The following CRKL variants were observed in gnomAD, a reference collection of about 807,000 sequenced individuals.
CRKL encodes CRK like proto-oncogene, adaptor protein.
In CRKL, 3 loss-of-function variants were observed where a neutral mutation model predicts 23.0. That is an observed-to-expected ratio of 0.13 (90% CI 0.06 to 0.34). CRKL has a LOEUF of 0.34. CRKL is among the 10% of genes least tolerant of loss of function. The probability of loss-of-function intolerance (pLI) is 1.00; values close to 1 mark genes in which losing one functional copy is unlikely to be tolerated. For synonymous variants in CRKL, 188 were observed against 160.7 expected (o/e 1.17, Z -1.28); for missense variants, 256 against 394.5 (o/e 0.65, Z 2.97).
intron 2 of CRKL, among the ~76,000 whole-genome samples, chr22:20,935,121 G>T (rs1280660299): frequency 6.6e-6 from 1 of 151,346 alleles, no homozygotes; most frequent in Non-Finnish European, 1.5e-5. Context: ...GCCCAGGAAT[G>T]ATTTTTTTTG....
At chr22:20,927,192 A>ATTTTTTTTTTTTT (rs532930393) in intron 1 of CRKL, among the ~76,000 whole-genome samples, 1,270 of 81,938 alleles carry the variant, frequency 0.015, 116 homozygotes, top group Middle Eastern at 0.022. Context: ...TTGGAATTGA[A>ATTTTTTTTTTTTT]TTTTTTTTTT....
Position 20,917,988 on chromosome 22 carries a change from G to A in CRKL, c.54G>A (p.Pro18=), listed in dbSNP as rs1929752688. 13 of 1,614,124 alleles carry A rather than the reference G, an allele frequency of 8.1e-6. No individual in the cohort carries two copies. The highest frequency in any genetic ancestry group is 1.1e-5 in the Non-Finnish European group (13 of 1,180,038). The change falls in exon 1 of 3, where the codon CCG becomes CCA. Residue 18 remains proline, a synonymous_variant. Transcript: ENST00000354336. ...ACCGCTCCGCCTGGTATATGGGGCC[G>A]GTGTCTCGCCAGGAGGCGCAGACCC... ...SSDRSAWYMG[P]VSRQEAQTRL... is the part of the protein sequence containing the mutation.
Position 20,918,043 on chromosome 22 carries a change from C to G in CRKL, c.109C>G (p.Leu37Val). ...CCAGGGCCAGCGCCACGGTATGTTC[C>G]TCGTCCGCGATTCTTCCACCTGCCC... ...RLQGQRHGMF[L>V]VRDSSTCPGD... Residue 37 changes from leucine to valine, a missense_variant, in exon 1 of 3, where the codon CTC (leucine) becomes GTC (valine). This residue lies in a region of CRKL where 85 missense variants were observed against 139.8 expected (regional missense o/e 0.61). Transcript: ENST00000354336. 1 of 1,614,258 alleles carries G rather than the reference C, an allele frequency of 6.2e-7. No individual in the cohort carries two copies. The highest frequency in any genetic ancestry group is 8.5e-7 in the Non-Finnish European group (1 of 1,180,048).
intron 2 of CRKL, among the ~76,000 whole-genome samples, chr22:20,935,038 T>C (rs1221432590): frequency 1.3e-5 from 2 of 152,018 alleles, no homozygotes; most frequent in African/African-American, 4.8e-5. Context: ...ATGGTGTCGA[T>C]CTCCTGACCT....
chr22:20,950,153 T>C lies in CRKL; in HGVS notation c.*308T>C, dbSNP rs1922213946. 1 of 357,138 alleles carries C rather than the reference T, an allele frequency of 2.8e-6. No homozygotes were observed. The highest frequency in any genetic ancestry group is 5.0e-6 in the Non-Finnish European group (1 of 198,342). The allele number at this position is 357,138 out of a possible 1,614,324, so 22.1% of individuals were successfully genotyped here. A position where few individuals can be genotyped will look rare whatever the true frequency, so the allele number is the denominator to read the frequency against. On this transcript the variant is annotated 3_prime_UTR_variant, in exon 3 of 3. Transcript: ENST00000354336. ...GGTCTTCCTTCTCATTGCTGCCCGT[T>C]TGTACATGGGACTGATTCTGTTGTG...
Position 20,917,761 on chromosome 22 carries a change from G to C in CRKL, c.-174G>C. 1.5e-6 allele frequency: 1 copy of C among 647,044 alleles called. No individual in the cohort carries two copies. The highest frequency in any genetic ancestry group is 2.0e-5 in the South Asian group (1 of 49,558). 40.1% of individuals were successfully genotyped at this position (647,044 alleles called of 1,614,324 possible). A position where few individuals can be genotyped will look rare whatever the true frequency, so the allele number is the denominator to read the frequency against. On this transcript the variant is annotated 5_prime_UTR_variant, in exon 1 of 3. Coordinates refer to ENST00000354336, the MANE Select transcript of CRKL (RefSeq NM_005207.4). ...GCCCCGGAGCAGGCGGGCGGCGTCGGAGGATGCTGCGGGCCCGGAGCCGAG... is the reference window on the plus strand; with the variant it reads ...GCCCCGGAGCAGGCGGGCGGCGTCGCAGGATGCTGCGGGCCCGGAGCCGAG...
intron 1 of CRKL, among the ~76,000 whole-genome samples, chr22:20,920,539 C>T (rs1920980803): frequency 6.6e-6 from 1 of 151,982 alleles, no homozygotes; most frequent in South Asian, 2.1e-4. Context: ...GAGTCTCCTT[C>T]TAGAGGAAGG....
In CRKL at chr22:20,917,837, C is replaced by T. The variant is rs1929746158; in HGVS notation, c.-98C>T. Reference sequence around the variant, plus strand: ...AGCGCTCCTCGAGGTGTGCGAGAGGCCCTTCCTCGGCCCCAAAGCCGTCTG... The same window carrying T: ...AGCGCTCCTCGAGGTGTGCGAGAGGTCCTTCCTCGGCCCCAAAGCCGTCTG... On this transcript the variant is annotated 5_prime_UTR_variant, in exon 1 of 3. Coordinates refer to ENST00000354336, the MANE Select transcript of CRKL (RefSeq NM_005207.4). The T allele has an allele frequency of 1.7e-6, 2 of 1,202,360 alleles. No individual in the cohort carries two copies. The highest frequency in any genetic ancestry group is 1.5e-5 in the African/African-American group (1 of 65,232). The allele number at this position is 1,202,360 out of a possible 1,614,324, so 74.5% of individuals were successfully genotyped here. A position where few individuals can be genotyped will look rare whatever the true frequency, so the allele number is the denominator to read the frequency against.
rs1922310552 is a variant in CRKL, at chr22:20,952,366, T to A, written c.*2521T>A. The A allele has an allele frequency of 4.4e-6, 1 of 229,594 alleles. No individual in the cohort carries two copies. Among genetic ancestry groups the A allele is most frequent in the Admixed American group, 5.7e-5 (1 of 17,610 alleles). The allele number at this position is 229,594 out of a possible 1,614,324, so 14.2% of individuals were successfully genotyped here. On this transcript the variant is annotated 3_prime_UTR_variant, in exon 3 of 3. Transcript: ENST00000354336. The stretch of plus-strand genomic sequence containing the variant: ...TGGTTTGGTTTTATAATTAATCAGC[T>A]CGTTACTTCAGCCCATGAAAATGGC...
chr22:20,936,019 C>T (rs928675729), intron 2 of CRKL, among the ~76,000 whole-genome samples: 46 of 151,992 alleles, frequency 3.0e-4, no homozygotes, highest in African/African-American at 9.9e-4. Context: ...ATGAGCCAGA[C>T]GTGGTGGGCA....
At chr22:20,938,600 A>G (rs1921748293) in intron 2 of CRKL, among the ~76,000 whole-genome samples, 1 of 152,226 alleles carries the variant, frequency 6.6e-6, no homozygotes, top group African/African-American at 2.4e-5. Flanking sequence ...CCAGTTTCTC[A>G]CAACTGACAA....
At chr22:20,923,440 G>C (rs1921064100) in intron 1 of CRKL, among the ~76,000 whole-genome samples, 1 of 151,708 alleles carries the variant, frequency 6.6e-6, no homozygotes, top group South Asian at 2.1e-4. Flanking sequence ...ACCATGCCCG[G>C]GTAACTTTTT....
At chr22:20,939,845 A>G (rs531769960) in intron 2 of CRKL, among the ~76,000 whole-genome samples, 1 of 147,942 alleles carries the variant, frequency 6.8e-6, no homozygotes, top group East Asian at 2.0e-4. Flanking sequence ...CTGGAGTGCA[A>G]TGGCGTGATC....
intron 1 of CRKL, among the ~76,000 whole-genome samples, chr22:20,928,124 T>C (rs1198430302): frequency 1.3e-5 from 2 of 151,982 alleles, no homozygotes; most frequent in African/African-American, 4.8e-5. Flanking sequence ...ACCACTACAC[T>C]CCAGCCTGGG....
At chr22:20,937,570 A>G (rs1030068815) in intron 2 of CRKL, among the ~76,000 whole-genome samples, 2 of 151,062 alleles carry the variant, frequency 1.3e-5, no homozygotes, top group Admixed American at 6.7e-5. Context: ...GAGTGGGTGG[A>G]TAAGTAGGTG....
intron 1 of CRKL, among the ~76,000 whole-genome samples, chr22:20,928,457 A>C (rs1339845970): frequency 6.6e-6 from 1 of 151,952 alleles, no homozygotes; most frequent in African/African-American, 2.4e-5. Context: ...ACGCTATCTC[A>C]AAAAAATTTA....
chr22:20,941,696 G>A (rs534802880), intron 2 of CRKL, among the ~76,000 whole-genome samples: 1 of 145,758 alleles, frequency 6.9e-6, no homozygotes, highest in East Asian at 2.1e-4. Flanking sequence ...CCGGGTTCAA[G>A]CAGTTCTCTG....
At chr22:20,920,455 T>C (rs1004425217) in intron 1 of CRKL, among the ~76,000 whole-genome samples, 1 of 150,992 alleles carries the variant, frequency 6.6e-6, no homozygotes, top group African/African-American at 2.4e-5. Flanking sequence ...TGAGCCGAGA[T>C]CGCGCCACTG....
At chr22:20,928,520 A>G (rs1202507696) in intron 1 of CRKL, among the ~76,000 whole-genome samples, 1 of 151,984 alleles carries the variant, frequency 6.6e-6, no homozygotes, top group East Asian at 1.9e-4. Flanking sequence ...AAAAATAAAT[A>G]AATAAAACAT....
Sources: gnomAD v4.1 joint callset for allele counts (sites outside exome capture counted in the v4.1 genomes callset) on GRCh38, gnomAD v4.1.1 for gene constraint, gnomAD v4.1.1 regional missense constraint, MANE v1.5 for transcripts, NCBI Gene and HGNC (gene_info 2026-07-23, HGNC 2026-07-21) for gene names.